ID2: variants seen among roughly 807,000 people sequenced by gnomAD.
ID2 encodes DNA-binding protein inhibitor ID-2.
A neutral mutation model predicts 8.3 loss-of-function variants in ID2; 2 were observed. That is an observed-to-expected ratio of 0.24 (90% CI 0.10 to 0.76). The LOEUF is 0.76. Ranked by LOEUF, ID2 falls within the 30% of genes least tolerant of loss-of-function variation. The pLI, the probability that ID2 is intolerant of heterozygous loss-of-function variation, is 0.73. For synonymous variants in ID2, 112 were observed against 72.3 expected (o/e 1.55, Z -2.79); for missense variants, 155 against 167.0 (o/e 0.93, Z 0.40).
In ID2 at chr2:8,682,110, G is replaced by C; in HGVS notation, c.-56G>C. 1 of 1,420,016 alleles carries C rather than the reference G, an allele frequency of 7.0e-7. No homozygotes were observed. The highest frequency in any genetic ancestry group is 9.8e-7 in the Non-Finnish European group (1 of 1,022,106). The allele number at this position is 1,420,016 out of a possible 1,614,324, so 88.0% of individuals were successfully genotyped here. A position where few individuals can be genotyped will look rare whatever the true frequency, so the allele number is the denominator to read the frequency against. ...GCTAGCTCAGCAGGCGGCAGCGGCG[G>C]CCTGAGCTTCAGGGCAGCCAGCTCC... On this transcript the variant is annotated 5_prime_UTR_variant, in exon 1 of 3. Transcript: ENST00000396290.
rs140487184 is a variant in ID2, at chr2:8,684,063, TAAATG to T, written c.*389_*393del. 48 of 152,520 alleles carry T rather than the reference TAAATG, an allele frequency of 3.1e-4. No homozygotes were observed. In the East Asian group the frequency reaches 7.3e-3, roughly 23 times the overall value. 9.4% of individuals were successfully genotyped at this position (152,520 alleles called of 1,614,324 possible). A position where few individuals can be genotyped will look rare whatever the true frequency, so the allele number is the denominator to read the frequency against. On this transcript the variant is annotated 3_prime_UTR_variant, in exon 3 of 3. Transcript: ENST00000396290. ...CAGAAGGATCCAGTATTCAGTCACTTAAATGAAGTCTTTTGGTCAGAAATTACCTT... is the reference window on the plus strand; with the variant it reads ...CAGAAGGATCCAGTATTCAGTCACTTAAGTCTTTTGGTCAGAAATTACCTT...
chr2:8,683,921 A>C lies in ID2; in HGVS notation c.*244A>C, dbSNP rs1662174035. 6.6e-6 allele frequency: 1 copy of C among 152,568 alleles called. No individual in the cohort carries two copies. Among genetic ancestry groups the C allele is most frequent in the African/African-American group, 2.4e-5 (1 of 41,462 alleles). 9.5% of individuals were successfully genotyped at this position (152,568 alleles called of 1,614,324 possible). A position where few individuals can be genotyped will look rare whatever the true frequency, so the allele number is the denominator to read the frequency against. The stretch of plus-strand genomic sequence containing the variant: ...AAAGACTTTTAAATGCCCTTTCTGC[A>C]GTTGGAAGGTTTTCTTTATATACTA... On this transcript the variant is annotated 3_prime_UTR_variant, in exon 3 of 3. Transcript: ENST00000396290.
rs750035083 is a variant in ID2 at position 8,682,132 on chromosome 2, C to T, written c.-34C>T. ...GCGGCCTGAGCTTCAGGGCAGCCAG[C>T]TCCCTCCCGGTCTCGCCTTCCCTCG... On this transcript the variant is annotated 5_prime_UTR_variant, in exon 1 of 3. Transcript: ENST00000396290. The T allele has an allele frequency of 7.7e-6, 12 of 1,564,480 alleles. 1 individual carries two copies. Among genetic ancestry groups the T allele is most frequent in the Non-Finnish European group, 8.8e-6 (10 of 1,141,844 alleles).
intron 2 of ID2, 41 bp downstream of exon 2, chr2:8,682,947 C>A: frequency 6.7e-7 from 1 of 1,491,348 alleles, no homozygotes; most frequent in Non-Finnish European, 9.4e-7. Flanking sequence ...AACTGCCCCT[C>A]GGTGTGTGTG....
intron 1 of ID2, 79 bp from the exon 2 acceptor site, chr2:8,682,764 A>C (rs1283186634): frequency 4.9e-5 from 19 of 390,958 alleles, no homozygotes; most frequent in South Asian, 3.0e-4. Flanking sequence ...GTGGACTACA[A>C]AAAAAAAAAA....
chr2:8,683,565 C>A (rs1662153992), intron 2 of ID2, 120 bp from the exon 3 acceptor site: 1 of 152,234 alleles, frequency 6.6e-6, no homozygotes, highest in Non-Finnish European at 1.5e-5. Context: ...CCAGGGTTTG[C>A]CCAATCTTTG....
At chr2:8,683,492 GTC>G (rs1662152594) in intron 2 of ID2, among the ~76,000 whole-genome samples, 191 bp from the exon 3 acceptor site, 2 of 152,198 alleles carry the variant, frequency 1.3e-5, no homozygotes, top group Admixed American at 1.3e-4. Context: ...TTTCCCTTGA[GTC>G]TCTGCTATTT....
chr2:8,682,736 A>G, intron 1 of ID2, 107 bp from the exon 2 acceptor site: 3 of 897,128 alleles, frequency 3.3e-6, no homozygotes, highest in Non-Finnish European at 5.4e-6. Context: ...AAACGTGTTT[A>G]ATGGAACTTG....
At position 8,684,247 on chromosome 2, in the gene ID2, C is replaced by T. The variant is rs955818332; in HGVS notation, c.*570C>T. On this transcript the variant is annotated 3_prime_UTR_variant, in exon 3 of 3. Coordinates refer to ENST00000396290, the MANE Select transcript of ID2 (RefSeq NM_002166.5). ...AAGTGTAATGATGTACTTATTCATG[C>T]TAAACTTTTTATAAAAGTTTAGTTG... is the stretch of plus-strand genomic sequence containing the variant. 1.3e-5 allele frequency: 2 copies of T among 152,322 alleles called. No homozygotes were observed. The highest frequency in any genetic ancestry group is 2.9e-5 in the Non-Finnish European group (2 of 68,006). 9.4% of individuals were successfully genotyped at this position (152,322 alleles called of 1,614,324 possible). A position where few individuals can be genotyped will look rare whatever the true frequency, so the allele number is the denominator to read the frequency against.
intron 2 of ID2, 40 bp from the exon 3 acceptor site, chr2:8,683,645 C>T (rs918117198): frequency 6.6e-6 from 1 of 152,408 alleles, no homozygotes; most frequent in South Asian, 2.1e-4. Flanking sequence ...CCTTAGGTTA[C>T]ATTCTCTTAA....
Position 8,682,839 on chromosome 2 carries a change from C to G in ID2, c.349-4C>G. On this transcript the variant is annotated splice_region_variant and splice_polypyrimidine_tract_variant and intron_variant, in intron 1 of 2. Transcript: ENST00000396290. ...CTCGTACTCTTTATCCTCTTTCTTT[C>G]CAGGCTTCTGAATTCCCTTCTGAGT... 1 of 1,608,326 alleles carries G rather than the reference C, an allele frequency of 6.2e-7. No individual in the cohort carries two copies. The highest frequency in any genetic ancestry group is 1.7e-4 in the Middle Eastern group (1 of 6,046).
intron 1 of ID2, 36 bp downstream of exon 1, chr2:8,682,549 C>T (rs895027672): frequency 4.7e-6 from 7 of 1,503,650 alleles, no homozygotes; most frequent in Non-Finnish European, 6.4e-6. Context: ...CCCGCCGCCG[C>T]ACACTCCCGC....
rs950858620 is a variant in ID2 at position 8,682,445 on chromosome 2, G to A, written c.280G>A (p.Gly94Arg). 1.9e-6 allele frequency: 3 copies of A among 1,613,512 alleles called. No homozygotes were observed. The highest frequency in any genetic ancestry group is 2.2e-5 in the East Asian group (1 of 44,884). ...TIVSLHHQRP[G>R]QNQASRTPLT... ...TGTCAGCCTGCATCACCAGAGACCC[G>A]GGCAGAACCAGGCGTCCAGGACGCC... The change falls in exon 1 of 3, where the codon GGG becomes AGG. Residue 94 changes from glycine (G) to arginine (R), a missense_variant. By Grantham distance (125) the Gly-to-Arg change is moderately radical. Around this residue, in one of 3 missense-constraint regions of ID2, gnomAD observed 75 missense variants for 72.2 expected, o/e 1.04. Coordinates refer to ENST00000396290, the MANE Select transcript of ID2 (RefSeq NM_002166.5).
At chr2:8,682,543 C>G in intron 1 of ID2, 30 bp downstream of exon 1, 1 of 1,524,358 alleles carries the variant, frequency 6.6e-7, no homozygotes, top group East Asian at 2.3e-5. Context: ...CCCCGCCCCG[C>G]CGCCGCACAC....
chr2:8,682,557 C>A, intron 1 of ID2, 44 bp downstream of exon 1: 1 of 1,452,948 alleles, frequency 6.9e-7, no homozygotes, highest in Non-Finnish European at 9.6e-7. Flanking sequence ...CGCACACTCC[C>A]GCGGTCGTCT....
chr2:8,682,109 GGCCTGAGCTTCAGGGCA>G lies in ID2; in HGVS notation c.-53_-37del. The G allele has an allele frequency of 2.9e-6, 4 of 1,394,944 alleles. No homozygotes were observed. The highest frequency in any genetic ancestry group is 4.0e-6 in the Non-Finnish European group (4 of 1,000,158). The allele number at this position is 1,394,944 out of a possible 1,614,324, so 86.4% of individuals were successfully genotyped here. A position where few individuals can be genotyped will look rare whatever the true frequency, so the allele number is the denominator to read the frequency against. Reference sequence around the variant, plus strand: ...AGCTAGCTCAGCAGGCGGCAGCGGCGGCCTGAGCTTCAGGGCAGCCAGCTCCCTCCCGGTCTCGCCTT... The same window carrying G: ...AGCTAGCTCAGCAGGCGGCAGCGGCGGCCAGCTCCCTCCCGGTCTCGCCTT... On this transcript the variant is annotated 5_prime_UTR_variant, in exon 1 of 3. Coordinates refer to ENST00000396290, the MANE Select transcript of ID2 (RefSeq NM_002166.5).
At chr2:8,682,540 C>T (rs1572356670) in intron 1 of ID2, 27 bp downstream of exon 1, 1 of 1,553,580 alleles carries the variant, frequency 6.4e-7, no homozygotes, top group South Asian at 1.1e-5. Context: ...GGTCCCCGCC[C>T]CGCCGCCGCA....
chr2:8,682,762 C>CAAAA (rs373887089), intron 1 of ID2, 81 bp from the exon 2 acceptor site: 143 of 746,458 alleles, frequency 1.9e-4, no homozygotes, highest in Admixed American at 4.0e-4. Context: ...CTGTGGACTA[C>CAAAA]AAAAAAAAAA....
At position 8,682,883 on chromosome 2, in the gene ID2, A is replaced by C. The variant is rs776715559; in HGVS notation, c.389A>C (p.Lys130Thr). Reference sequence around the variant, plus strand: ...TCTGAGTTAATGTCAAATGACAGCAAAGCACTGTGTGGCTGAATAAGCGGT... The same window carrying C: ...TCTGAGTTAATGTCAAATGACAGCACAGCACTGTGTGGCTGAATAAGCGGT... ...FPSELMSNDS[K>T]ALCG Residue 130 changes from lysine (K) to threonine (T), a missense_variant, in exon 2 of 3, where the codon AAA (lysine) becomes ACA (threonine). Physicochemically the swap from Lys to Thr is moderately conservative, Grantham distance 78. This residue lies in a region of ID2 where 75 missense variants were observed against 72.2 expected (regional missense o/e 1.04). Transcript: ENST00000396290. 18 of 1,613,946 alleles carry C rather than the reference A, an allele frequency of 1.1e-5. No individual in the cohort carries two copies. The highest frequency in any genetic ancestry group is 1.4e-5 in the Non-Finnish European group (17 of 1,179,912).
Sources: gnomAD v4.1 joint callset for allele counts (sites outside exome capture counted in the v4.1 genomes callset) on GRCh38, gnomAD v4.1.1 for gene constraint, gnomAD v4.1.1 regional missense constraint, MANE v1.5 for transcripts, NCBI Gene and HGNC (gene_info 2026-07-23, HGNC 2026-07-21) for gene names.